The following MAPK4 variants were observed in gnomAD, a reference collection of about 807,000 sequenced individuals.
MAPK4 encodes the protein Erk3-related.
A neutral mutation model predicts 47.7 loss-of-function variants in MAPK4; 22 were observed. That is an observed-to-expected ratio of 0.46 (90% CI 0.33 to 0.66). MAPK4 has a LOEUF of 0.66. MAPK4 is among the 30% of genes least tolerant of loss of function. The probability of loss-of-function intolerance (pLI) is 0.02; values close to 1 mark genes in which losing one functional copy is unlikely to be tolerated. For synonymous variants in MAPK4, 390 were observed against 365.7 expected (o/e 1.07, Z -0.76); for missense variants, 736 against 831.7 (o/e 0.88, Z 1.42).
intron 1 of MAPK4, among the ~76,000 whole-genome samples, chr18:50,620,417 C>T (rs1016522585): frequency 6.6e-6 from 1 of 152,194 alleles, no homozygotes; most frequent in Admixed American, 6.5e-5. Context: ...TAGTTCTCCT[C>T]ATTAGAAATT....
chr18:50,630,883 G>T (rs12604601), intron 1 of MAPK4, among the ~76,000 whole-genome samples: 52,235 of 151,998 alleles, frequency 0.34, 9,256 homozygotes, highest in East Asian at 0.48. Context: ...CTTTGGTTCA[G>T]TTCCACAGAC....
At chr18:50,598,447 G>A (rs1210578281) in intron 1 of MAPK4, among the ~76,000 whole-genome samples, 1 of 151,946 alleles carries the variant, frequency 6.6e-6, no homozygotes, top group Non-Finnish European at 1.5e-5. Flanking sequence ...AATAAGCAAT[G>A]GCCTGGCTAG....
chr18:50,680,508 GA>G (rs1472980928), intron 2 of MAPK4, among the ~76,000 whole-genome samples: 2 of 152,238 alleles, frequency 1.3e-5, no homozygotes, highest in East Asian at 3.9e-4. Context: ...TCCATCAGCA[GA>G]ATCAGTTTTA....
intron 2 of MAPK4, chr18:50,670,182 A>T (rs1907854433): frequency 6.7e-6 from 1 of 148,710 alleles, no homozygotes; most frequent in South Asian, 2.1e-4. Flanking sequence ...AAAAACACTC[A>T]TTGCCTATTT....
At chr18:50,701,121 G>C (rs1039091853) in intron 2 of MAPK4, among the ~76,000 whole-genome samples, 3 of 152,008 alleles carry the variant, frequency 2.0e-5, no homozygotes, top group African/African-American at 7.3e-5. Context: ...TTCAAAGAAG[G>C]TTCCTAGAAT....
chr18:50,560,085 C>G, upstream of MAPK4: 1 of 147,842 alleles, frequency 6.8e-6, no homozygotes. Context: ...GGGGCGGGAG[C>G]CGGAGCCCGA....
At chr18:50,564,241 C>T (rs1307574533) in intron 1 of MAPK4, among the ~76,000 whole-genome samples, 2 of 152,206 alleles carry the variant, frequency 1.3e-5, no homozygotes. Context: ...ATCCTTGCTT[C>T]CTTACCTATA....
chr18:50,676,098 A>C (rs1908254519), intron 2 of MAPK4, among the ~76,000 whole-genome samples: 1 of 152,144 alleles, frequency 6.6e-6, no homozygotes, highest in Non-Finnish European at 1.5e-5. Flanking sequence ...TTAGCTCTGT[A>C]TACTCTATTT....
At chr18:50,675,431 C>T (rs1908208290) in intron 2 of MAPK4, among the ~76,000 whole-genome samples, 2 of 152,126 alleles carry the variant, frequency 1.3e-5, no homozygotes, top group African/African-American at 4.8e-5. Context: ...ATTCTCCTGC[C>T]TCAGCCTCCC....
At chr18:50,633,547 T>C (rs980429855) in intron 1 of MAPK4, among the ~76,000 whole-genome samples, 6 of 152,346 alleles carry the variant, frequency 3.9e-5, no homozygotes, top group Admixed American at 6.5e-5. Flanking sequence ...GAGGGCTTGA[T>C]TCTTCTCAGG....
intron 2 of MAPK4, among the ~76,000 whole-genome samples, chr18:50,692,576 A>G (rs1232758314): frequency 6.6e-6 from 1 of 152,186 alleles, no homozygotes; most frequent in African/African-American, 2.4e-5. Flanking sequence ...GGGTTGTTCT[A>G]AGGACTAAAT....
At chr18:50,628,600 A>T (rs988542667) in intron 1 of MAPK4, among the ~76,000 whole-genome samples, 5 of 152,200 alleles carry the variant, frequency 3.3e-5, no homozygotes, top group Admixed American at 2.0e-4. Flanking sequence ...TTTTTATGTC[A>T]GTGTTTTTCA....
intron 2 of MAPK4, chr18:50,670,000 A>T (rs1210584734): frequency 6.6e-6 from 1 of 152,126 alleles, no homozygotes; most frequent in African/African-American, 2.4e-5. Flanking sequence ...TCTCCTAAAA[A>T]TATAAAAAAT....
At chr18:50,712,296 G>A (rs1910410965) in intron 2 of MAPK4, among the ~76,000 whole-genome samples, 1 of 152,132 alleles carries the variant, frequency 6.6e-6, no homozygotes, top group Non-Finnish European at 1.5e-5. Context: ...GTGTGTTGGT[G>A]TGCGCCTGTG....
chr18:50,625,900 A>G (rs1294810178), intron 1 of MAPK4, among the ~76,000 whole-genome samples: 1 of 101,204 alleles, frequency 9.9e-6, no homozygotes, highest in African/African-American at 3.9e-5. Flanking sequence ...ACACACACAC[A>G]CACACACACA....
chr18:50,702,598 T>C (rs1370483), intron 2 of MAPK4, among the ~76,000 whole-genome samples: 20,111 of 152,156 alleles, frequency 0.13, 1,382 homozygotes, highest in East Asian at 0.23. Flanking sequence ...TAAATATTCA[T>C]TTTCATATCT....
chr18:50,628,794 A>G (rs1029159642), intron 1 of MAPK4, among the ~76,000 whole-genome samples: 10 of 152,280 alleles, frequency 6.6e-5, no homozygotes, highest in Admixed American at 5.9e-4. Flanking sequence ...GTCTATCACA[A>G]TTGTCTCAGC....
Position 50,701,381 on chromosome 18 carries a change from C to G in MAPK4, c.547-13698C>G, listed in dbSNP as rs139990820. 3.9e-5 allele frequency among the ~76,000 whole-genome samples: 6 copies of G among 152,266 alleles called. No individual in the cohort carries two copies. In the East Asian group the frequency reaches 1.2e-3, roughly 29 times the overall value. ...TTCACAAAGCAAGTTATTTTGAGAG[C>G]AATCTGTTAGCAAATGGGCTATTGC... On this transcript the variant is annotated intron_variant, in intron 2 of 5. Coordinates refer to ENST00000400384, the MANE Select transcript of MAPK4 (RefSeq NM_002747.4).
chr18:50,697,082 A>C (rs73959997), intron 2 of MAPK4, among the ~76,000 whole-genome samples: 2,277 of 152,284 alleles, frequency 0.015, 52 homozygotes, highest in African/African-American at 0.052. Flanking sequence ...GACTTGCTGA[A>C]TCAGAAACCC....
Sources: allele counts gnomAD v4.1 joint callset (sites outside exome capture counted in the v4.1 genomes callset), GRCh38; gene constraint gnomAD v4.1.1; transcripts MANE v1.5; gene names NCBI Gene and HGNC (gene_info 2026-07-23, HGNC 2026-07-21).